PHF8: variants seen among roughly 807,000 people sequenced by gnomAD.
The protein encoded by PHF8 is PHD finger protein 8.
In PHF8, 9 loss-of-function variants were observed where a neutral mutation model predicts 74.4. The ratio of observed to expected loss-of-function variants is 0.12; its 90% CI spans 0.07 to 0.21. PHF8 has a LOEUF of 0.21. Ranked by LOEUF, PHF8 falls within the 10% of genes least tolerant of loss-of-function variation. The probability of loss-of-function intolerance (pLI) is 1.00; values close to 1 mark genes in which losing one functional copy is unlikely to be tolerated. For missense variants in PHF8, 478 were observed against 816.6 expected, an observed-to-expected ratio of 0.59 and a Z score of 5.05; for synonymous variants, 311 against 316.6, an observed-to-expected ratio of 0.98 and a Z score of 0.19.
rs1328593440 is a variant in PHF8, at chrX:54,010,547, A to C, written c.946+575T>G. ...ACTAGAGAATTCTACTATACATTTT[A>C]AGAAAATTTAACACTAATTCTGATT... On this transcript the variant is annotated intron_variant, in intron 8 of 21. Coordinates refer to ENST00000338154, the MANE Select transcript of PHF8 (RefSeq NM_015107.3). 4.5e-5 allele frequency among the ~76,000 whole-genome samples: 5 copies of C among 111,806 alleles called. 1 individual carries two copies. The East Asian group carries it at 1.4e-3, about 31-fold the overall frequency.
intron 18 of PHF8, among the ~76,000 whole-genome samples, chrX:53,982,527 A>C (rs1418810733): frequency 1.8e-5 from 2 of 112,785 alleles, no homozygotes; most frequent in African/African-American, 6.4e-5. Flanking sequence ...TTTAACTCTC[A>C]TAACAACCTA....
chrX:54,009,751 G>A (rs1052498024), intron 8 of PHF8, among the ~76,000 whole-genome samples: 32 of 98,135 alleles, frequency 3.3e-4, no homozygotes, highest in African/African-American at 1.2e-3. Flanking sequence ...GCTGAGGCAA[G>A]AGAATCACCT....
At chrX:53,956,970 T>C (rs1253745085) in intron 19 of PHF8, among the ~76,000 whole-genome samples, 1 of 110,486 alleles carries the variant, frequency 9.1e-6, no homozygotes, top group African/African-American at 3.3e-5. Flanking sequence ...ATCCCAACAT[T>C]TTGGGAGGCC....
At chrX:54,012,939 C>CAA (rs782357345) in intron 7 of PHF8, among the ~76,000 whole-genome samples, 1 of 38,574 alleles carries the variant, frequency 2.6e-5, no homozygotes, top group South Asian at 1.2e-3. Flanking sequence ...GAGACTGTCT[C>CAA]AAAAAAAAAA....
chrX:54,045,590 ATG>A (rs1310098521), upstream of PHF8, among the ~76,000 whole-genome samples: 1 of 112,728 alleles, frequency 8.9e-6, no homozygotes, highest in Non-Finnish European at 1.9e-5. Context: ...AAAATGCAAC[ATG>A]AAGCTACAAA....
At chrX:54,017,600 G>C in intron 5 of PHF8, 61 bp downstream of exon 5, 1 of 1,008,879 alleles carries the variant, frequency 9.9e-7, no homozygotes, top group Admixed American at 2.2e-5. Flanking sequence ...TGGAGGGGAA[G>C]GGACACAGAT....
chrX:54,000,123 T>C (rs951957175), intron 10 of PHF8, among the ~76,000 whole-genome samples, 162 bp from the exon 11 acceptor site: 1 of 112,336 alleles, frequency 8.9e-6, no homozygotes, highest in Non-Finnish European at 1.9e-5. Flanking sequence ...ACCTACTAAG[T>C]GCTAGGAATG....
At position 53,985,084 on chromosome X, in the gene PHF8, G is replaced by C. The variant is rs782358878; in HGVS notation, c.2273C>G (p.Ser758Cys). 8.3e-7 allele frequency: 1 copy of C among 1,209,590 alleles called. No individual in the cohort carries two copies. Among genetic ancestry groups the C allele is most frequent in the African/African-American group, 1.7e-5 (1 of 57,213 alleles). Residue 758 changes from serine to cysteine, a missense_variant, in exon 18 of 22, where the codon TCC becomes TGC. Physicochemically the swap from Ser to Cys is moderately radical, Grantham distance 112. Transcript: ENST00000338154. ...AGACACTGTGCCCAGCCCACTGCTG[G>C]AGCTCCCACTGCTTCGATCCTGTCC... ...TGGQDRSSGS[S>C]SSGLGTVSNS...
rs138737702 is a variant in PHF8 at position 54,023,269 on chromosome X, G to A, written c.99-426C>T. 4.7e-3 allele frequency among the ~76,000 whole-genome samples: 519 copies of A among 110,824 alleles called. 2 individuals are homozygous for A. The highest frequency in any genetic ancestry group is 8.2e-3 in the Non-Finnish European group (434 of 52,917). ...TAGGATTATAGGTGTGAGCCACCACGCCCAGCCTTATAACCTAATTTTTAA... is the reference window on the plus strand; with the variant it reads ...TAGGATTATAGGTGTGAGCCACCACACCCAGCCTTATAACCTAATTTTTAA... On this transcript the variant is annotated intron_variant, in intron 2 of 21. Coordinates refer to ENST00000338154, the MANE Select transcript of PHF8 (RefSeq NM_015107.3).
chrX:53,949,811 C>CAAAAAAAAA (rs11353359), intron 19 of PHF8, among the ~76,000 whole-genome samples: 126 of 24,055 alleles, frequency 5.2e-3, no homozygotes, highest in Non-Finnish European at 7.5e-3. Context: ...GACTCCGTCT[C>CAAAAAAAAA]AAAAAAAAAA....
intron 8 of PHF8, among the ~76,000 whole-genome samples, chrX:54,003,436 C>G (rs2065854182): frequency 1.8e-5 from 2 of 111,375 alleles, no homozygotes; most frequent in South Asian, 7.6e-4. Context: ...GCGGGTGGGT[C>G]ACCTGAGGTC....
At chrX:53,960,528 T>C (rs1557090444) in intron 19 of PHF8, among the ~76,000 whole-genome samples, 1 of 107,818 alleles carries the variant, frequency 9.3e-6, no homozygotes, top group African/African-American at 3.4e-5. Flanking sequence ...AGCGGGCAGA[T>C]CATGAGGTCA....
chrX:53,988,063 C>G, intron 14 of PHF8, 119 bp from the exon 15 acceptor site: 2 of 583,013 alleles, frequency 3.4e-6, no homozygotes, highest in Non-Finnish European at 5.7e-6. Flanking sequence ...ATCCAGCCAG[C>G]TTTTTAAATA....
intron 2 of PHF8, among the ~76,000 whole-genome samples, chrX:54,034,864 T>G (rs1176792988): frequency 1.3e-4 from 12 of 92,947 alleles, no homozygotes; most frequent in Non-Finnish European, 2.3e-4. Context: ...CCAGGCATAG[T>G]GGTGCATGCC....
chrX:53,957,650 C>T (rs927121923), intron 19 of PHF8, among the ~76,000 whole-genome samples: 1 of 112,288 alleles, frequency 8.9e-6, no homozygotes, highest in Non-Finnish European at 1.9e-5. Flanking sequence ...AGCAATATGC[C>T]TAGATAAAAA....
chrX:53,974,598 T>C (rs1311324287), intron 18 of PHF8, among the ~76,000 whole-genome samples: 1 of 111,746 alleles, frequency 8.9e-6, no homozygotes, highest in Non-Finnish European at 1.9e-5. Context: ...ATTATAAAGA[T>C]ACGTGCACAC....
upstream of PHF8, among the ~76,000 whole-genome samples, chrX:54,045,983 A>C (rs1219420640): frequency 1.8e-5 from 1 of 54,356 alleles, no homozygotes; most frequent in Admixed American, 2.8e-4. Context: ...TTTAGAGACA[A>C]GGTCTCACTC....
At chrX:54,013,552 T>A (rs1467435459) in intron 7 of PHF8, among the ~76,000 whole-genome samples, 1 of 111,229 alleles carries the variant, frequency 9.0e-6, no homozygotes, top group Non-Finnish European at 1.9e-5. Flanking sequence ...GTGCAGTGGC[T>A]CACGACTGTA....
intron 2 of PHF8, among the ~76,000 whole-genome samples, chrX:54,030,037 T>C (rs1469952978): frequency 3.6e-5 from 4 of 110,605 alleles, no homozygotes; most frequent in Non-Finnish European, 7.6e-5. Flanking sequence ...TATCTCCTTC[T>C]ACCTGGAACA....
Sources: allele counts gnomAD v4.1 joint callset (sites outside exome capture counted in the v4.1 genomes callset), GRCh38; gene constraint gnomAD v4.1.1; transcripts MANE v1.5; gene names NCBI Gene and HGNC (gene_info 2026-07-23, HGNC 2026-07-21).